SEPTIN5: variants seen among roughly 807,000 people sequenced by gnomAD.
SEPTIN5 encodes septin 5, also known as septin-5.
Under a neutral mutation model 51.2 loss-of-function variants are expected in SEPTIN5, and 16 were observed. The ratio of observed to expected loss-of-function variants is 0.31; its 90% CI spans 0.21 to 0.47. The LOEUF (loss-of-function observed/expected upper bound fraction) is 0.47. Among genes scored for constraint, SEPTIN5 ranks in the 20% least tolerant of loss-of-function variants. The pLI, the probability that SEPTIN5 is intolerant of heterozygous loss-of-function variation, is 0.99. For missense variants in SEPTIN5, 376 were observed against 500.3 expected, an observed-to-expected ratio of 0.75 and a Z score of 2.37; for synonymous variants, 208 against 191.2, an observed-to-expected ratio of 1.09 and a Z score of -0.72.
Position 19,722,691 on chromosome 22 carries a change from G to A in SEPTIN5, c.*207G>A. 2 of 612,946 alleles carry A rather than the reference G, an allele frequency of 3.3e-6. No homozygotes were observed. The highest frequency in any genetic ancestry group is 5.7e-6 in the Non-Finnish European group (2 of 352,298). 38.0% of individuals were successfully genotyped at this position (612,946 alleles called of 1,614,324 possible). A position where few individuals can be genotyped will look rare whatever the true frequency, so the allele number is the denominator to read the frequency against. The stretch of plus-strand genomic sequence containing the variant: ...CCAGCTGGCCCTCTCTGACCTTGGG[G>A]GATCAGGAGCGAAGTTGGGCGGGAC... On this transcript the variant is annotated 3_prime_UTR_variant, in exon 12 of 12. Coordinates refer to ENST00000455784, the MANE Select transcript of SEPTIN5 (RefSeq NM_002688.6).
intron 2 of SEPTIN5, among the ~76,000 whole-genome samples, chr22:19,716,279 A>G (rs950156184): frequency 6.6e-5 from 10 of 152,308 alleles, no homozygotes; most frequent in Middle Eastern, 3.4e-3. Context: ...CTGGAAGCAC[A>G]TGGCAGCTTC....
chr22:19,718,476 G>C, intron 2 of SEPTIN5: 1 of 1,167,138 alleles, frequency 8.6e-7, no homozygotes, highest in South Asian at 4.2e-5. Context: ...GTGCGGGAGC[G>C]GGGCCTGCCC....
intron 2 of SEPTIN5, among the ~76,000 whole-genome samples, chr22:19,716,663 G>A (rs772671377): frequency 1.3e-5 from 2 of 152,214 alleles, no homozygotes; most frequent in Admixed American, 6.5e-5. Context: ...GGCAGGGCAG[G>A]TGGGTTGAAC....
At chr22:19,720,072 G>T (rs774635311) in intron 4 of SEPTIN5, 43 bp from the exon 5 acceptor site, 1 of 1,610,822 alleles carries the variant, frequency 6.2e-7, no homozygotes, top group South Asian at 1.1e-5. Context: ...AGGGTGAGGG[G>T]CTGAGGGTTG....
rs759776062 is a variant in SEPTIN5 at position 19,721,907 on chromosome 22, C to T, written c.900C>T (p.Cys300=). The part of the protein sequence containing the change: ...THMHDLKDVT[C]DVHYENYRAH... Reference sequence around the variant, plus strand: ...TGCACGACCTCAAGGACGTGACGTGCGACGTGCACTACGAGAACTACCGCG... The same window carrying T: ...TGCACGACCTCAAGGACGTGACGTGTGACGTGCACTACGAGAACTACCGCG... The change falls in exon 10 of 12, where the codon TGC becomes TGT. Residue 300 remains cysteine, a synonymous_variant. Coordinates refer to ENST00000455784, the MANE Select transcript of SEPTIN5 (RefSeq NM_002688.6). 3.7e-6 allele frequency: 6 copies of T among 1,612,116 alleles called. No individual in the cohort carries two copies. The highest frequency in any genetic ancestry group is 5.1e-6 in the Non-Finnish European group (6 of 1,179,552).
At position 19,722,325 on chromosome 22, in the gene SEPTIN5, A is replaced by G; in HGVS notation, c.1039A>G (p.Met347Val). ...CGCCGAGACTGAGAAGCTTATCAGG[A>G]TGAAGGATGAGGAAGTATGTGGGGC... is the stretch of plus-strand genomic sequence containing the variant. ...PDAETEKLIR[M>V]KDEELRRMQE... The change falls in exon 11 of 12, where the codon ATG becomes GTG. Residue 347 changes from methionine to valine, a missense_variant. Met to Val is a conservative substitution (Grantham distance 21, BLOSUM62 1). Around this residue, in one of 2 missense-constraint regions of SEPTIN5, gnomAD observed 89 missense variants for 83.3 expected, o/e 1.07. Coordinates refer to ENST00000455784, the MANE Select transcript of SEPTIN5 (RefSeq NM_002688.6). 4.3e-6 allele frequency: 7 copies of G among 1,610,312 alleles called. No individual in the cohort carries two copies. Among genetic ancestry groups the G allele is most frequent in the Non-Finnish European group, 5.9e-6 (7 of 1,178,912 alleles).
intron 8 of SEPTIN5, among the ~76,000 whole-genome samples, 162 bp from the exon 9 acceptor site, chr22:19,721,478 C>T (rs1158731003): frequency 6.6e-6 from 1 of 152,074 alleles, no homozygotes; most frequent in East Asian, 1.9e-4. Flanking sequence ...TGGCTCCAGC[C>T]AGGGGCAGAG....
chr22:19,721,610 G>A (rs1427794257), intron 8 of SEPTIN5, 30 bp from the exon 9 acceptor site: 5 of 1,608,706 alleles, frequency 3.1e-6, no homozygotes, highest in Non-Finnish European at 3.4e-6. Context: ...ACGCTCACCG[G>A]GTGTGAGCCT....
intron 2 of SEPTIN5, chr22:19,718,069 T>A (rs983934500): frequency 6.6e-6 from 1 of 152,112 alleles, no homozygotes; most frequent in Non-Finnish European, 1.5e-5. Context: ...CGGCGGGCCC[T>A]GAACTGGGCG....
rs780784807 is a variant in SEPTIN5, at chr22:19,719,901, C to T, written c.238+9C>T. ...GCTGCTCAGTGCTGAGGGTGAGTGG[C>T]CCCCAGGAGGCCCTGGCACTGATCC... On this transcript the variant is annotated intron_variant, in intron 4 of 11. Coordinates refer to ENST00000455784, the MANE Select transcript of SEPTIN5 (RefSeq NM_002688.6). 2.5e-6 allele frequency: 4 copies of T among 1,612,158 alleles called. No individual in the cohort carries two copies. Among genetic ancestry groups the T allele is most frequent in the Middle Eastern group, 3.5e-4 (2 of 5,784 alleles).
chr22:19,718,732 G>T, intron 2 of SEPTIN5: 1 of 1,243,294 alleles, frequency 8.0e-7, no homozygotes, highest in African/African-American at 1.5e-5. Flanking sequence ...TGGGGGGGTC[G>T]CCGCGATGGA....
At chr22:19,715,894 G>A (rs1434549039) in intron 2 of SEPTIN5, among the ~76,000 whole-genome samples, 5 of 152,316 alleles carry the variant, frequency 3.3e-5, no homozygotes, top group Admixed American at 1.3e-4. Flanking sequence ...CAAAGCCTGA[G>A]ATGCAGGGAC....
At chr22:19,716,685 G>A (rs1935916163) in intron 2 of SEPTIN5, among the ~76,000 whole-genome samples, 1 of 152,236 alleles carries the variant, frequency 6.6e-6, no homozygotes, top group African/African-American at 2.4e-5. Context: ...CTGAGAGTGA[G>A]ATTCTTGCCC....
Position 19,714,741 on chromosome 22 carries a change from G to C in SEPTIN5, c.44-40G>C, listed in dbSNP as rs1355795025. ...CCCGCCCGCCGGCCCGGACCCGCTC[G>C]GAACCGGACCCGGACTCGACCCCGA... On this transcript the variant is annotated intron_variant, in intron 1 of 11. Transcript: ENST00000455784. The surrounding 1 kb of genome is among the most constrained non-coding windows in gnomAD (Gnocchi z 5.2). 19 of 1,552,520 alleles carry C rather than the reference G, an allele frequency of 1.2e-5. No homozygotes were observed. Among genetic ancestry groups the C allele is most frequent in the Non-Finnish European group, 1.6e-5 (18 of 1,157,348 alleles).
chr22:19,722,859 AGAACGGACTT>A lies in SEPTIN5; in HGVS notation c.*377_*386del. On this transcript the variant is annotated 3_prime_UTR_variant, in exon 12 of 12. Coordinates refer to ENST00000455784, the MANE Select transcript of SEPTIN5 (RefSeq NM_002688.6). ...GGTCTGTTCCCTGCCCCAGTGCTGC[AGAACGGACTT>A]GGGAGCCCTCCTTTGCCTGCTCCCG... The A allele has an allele frequency of 2.2e-6, 1 of 458,578 alleles. No homozygotes were observed. Among genetic ancestry groups the A allele is most frequent in the Non-Finnish European group, 4.1e-6 (1 of 246,676 alleles). 28.4% of individuals were successfully genotyped at this position (458,578 alleles called of 1,614,324 possible). A position where few individuals can be genotyped will look rare whatever the true frequency, so the allele number is the denominator to read the frequency against.
chr22:19,716,631 C>T (rs769189053), intron 2 of SEPTIN5, among the ~76,000 whole-genome samples: 6 of 152,202 alleles, frequency 3.9e-5, no homozygotes, highest in Non-Finnish European at 5.9e-5. Context: ...AATCCACAGG[C>T]CCTGACTGGG....
rs965340952 is a variant in SEPTIN5, at chr22:19,722,078, C to A, written c.950+121C>A. ...CTTTGCACCATTCCCTAAGCCCCCCCCCTCCCCCAGAGCCTGGTCTCCCTA... is the reference window on the plus strand; with the variant it reads ...CTTTGCACCATTCCCTAAGCCCCCCACCTCCCCCAGAGCCTGGTCTCCCTA... On this transcript the variant is annotated intron_variant, in intron 10 of 11. Coordinates refer to ENST00000455784, the MANE Select transcript of SEPTIN5 (RefSeq NM_002688.6). The A allele has an allele frequency of 2.7e-4, 354 of 1,316,978 alleles. 1 individual carries two copies. The highest frequency in any genetic ancestry group is 1.9e-3 in the Middle Eastern group (7 of 3,670). 81.6% of individuals were successfully genotyped at this position (1,316,978 alleles called of 1,614,324 possible). A position where few individuals can be genotyped will look rare whatever the true frequency, so the allele number is the denominator to read the frequency against.
intron 4 of SEPTIN5, 98 bp downstream of exon 4, chr22:19,719,990 TCTCG>T: frequency 6.2e-7 from 1 of 1,600,518 alleles, no homozygotes; most frequent in South Asian, 1.1e-5. Flanking sequence ...ACTGTTCTGT[TCTCG>T]CGGTGTGGGT....
Position 19,722,255 on chromosome 22 carries a change from C to G in SEPTIN5, c.969C>G (p.Ser323Arg), listed in dbSNP as rs1936058394. ...CGCGCAGCAAACTGACCCAGGACAG[C>G]CGCATGGAGAGCCCCATCCCGATCC... ...QQMTSKLTQD[S>R]RMESPIPILP... The change falls in exon 11 of 12, where the codon AGC becomes AGG. Residue 323 changes from serine (S) to arginine (R), a missense_variant. Ser to Arg is a moderately radical substitution (Grantham distance 110). Transcript: ENST00000455784. The G allele has an allele frequency of 3.1e-6, 5 of 1,608,920 alleles. No homozygotes were observed. The highest frequency in any genetic ancestry group is 1.7e-5 in the Admixed American group (1 of 59,702).
Sources: allele counts gnomAD v4.1 joint callset (sites outside exome capture counted in the v4.1 genomes callset), GRCh38; gene constraint gnomAD v4.1.1; regional missense constraint gnomAD v4.1.1; non-coding constraint Gnocchi (gnomAD v3.1); transcripts MANE v1.5; gene names NCBI Gene and HGNC (gene_info 2026-07-23, HGNC 2026-07-21).